NREP: variants seen among roughly 807,000 people sequenced by gnomAD.
NREP encodes the protein neuronal regeneration related protein, also known as neuronal regeneration-related protein.
Under a neutral mutation model 8.6 loss-of-function variants are expected in NREP, and 5 were observed. The ratio of observed to expected loss-of-function variants is 0.58; its 90% CI spans 0.30 to 1.22. The LOEUF is 1.22. NREP is among the 50% of genes most tolerant of loss of function. NREP has a pLI of 0.07. For synonymous variants in NREP, 27 were observed against 28.0 expected, an observed-to-expected ratio of 0.96 and a Z score of 0.11; for missense variants, 86 against 82.5, an observed-to-expected ratio of 1.04 and a Z score of -0.17.
At chr5:111,737,052 T>G (rs1485984261) in intron 2 of NREP, among the ~76,000 whole-genome samples, 1 of 152,222 alleles carries the variant, frequency 6.6e-6, no homozygotes, top group East Asian at 1.9e-4. Context: ...ACTATTTTCT[T>G]TTTGGACTGG....
intron 2 of NREP, among the ~76,000 whole-genome samples, chr5:111,844,949 A>G (rs1014025493): frequency 1.3e-5 from 2 of 151,836 alleles, no homozygotes; most frequent in Admixed American, 6.6e-5. Context: ...ACTAATAAAT[A>G]TTATATATAT....
At chr5:111,760,914 C>G (rs1318898433), upstream of NREP, among the ~76,000 whole-genome samples, 1 of 152,186 alleles carries the variant, frequency 6.6e-6, no homozygotes, top group African/African-American at 2.4e-5. Flanking sequence ...TCAAGTATTT[C>G]CTGATTATAG....
At chr5:111,942,387 G>A (rs930714478) in intron 2 of NREP, among the ~76,000 whole-genome samples, 5 of 151,970 alleles carry the variant, frequency 3.3e-5, no homozygotes, top group African/African-American at 7.2e-5. Flanking sequence ...CATTGCTTTG[G>A]TTCCCTGGTG....
chr5:111,939,826 C>T (rs7710690), intron 2 of NREP, among the ~76,000 whole-genome samples: 75,498 of 151,764 alleles, frequency 0.5, 19,499 homozygotes, highest in South Asian at 0.66. Context: ...TAAGCTTCAT[C>T]CATGCTGTTG....
At chr5:111,854,032 A>T (rs1753368277) in intron 2 of NREP, among the ~76,000 whole-genome samples, 1 of 152,146 alleles carries the variant, frequency 6.6e-6, no homozygotes, top group South Asian at 2.1e-4. Context: ...GACTGTGTTT[A>T]TATCTCACAC....
chr5:111,861,699 A>C (rs1213124857), intron 2 of NREP, among the ~76,000 whole-genome samples: 2 of 152,186 alleles, frequency 1.3e-5, no homozygotes, highest in African/African-American at 4.8e-5. Flanking sequence ...TCTGAAATAC[A>C]TTTTGCTTTA....
chr5:111,794,995 TAAA>T (rs71982267), intron 2 of NREP, among the ~76,000 whole-genome samples: 17 of 130,352 alleles, frequency 1.3e-4, no homozygotes, highest in Non-Finnish European at 1.8e-4. Flanking sequence ...AAAGCTGCTC[TAAA>T]AAAAAAAAAA....
At chr5:111,761,851 G>A (rs1299203212), upstream of NREP, among the ~76,000 whole-genome samples, 1 of 152,128 alleles carries the variant, frequency 6.6e-6, no homozygotes, top group African/African-American at 2.4e-5. Flanking sequence ...TCAGACCGAA[G>A]GGAAAGAATT....
chr5:111,759,968 A>G (rs990015554), upstream of NREP, among the ~76,000 whole-genome samples: 1 of 152,082 alleles, frequency 6.6e-6, no homozygotes, highest in Admixed American at 6.5e-5. Context: ...CTCTCTCTCA[A>G]TCATAGAATA....
chr5:111,797,356 CTAG>C (rs1453561181), intron 2 of NREP, among the ~76,000 whole-genome samples: 1 of 152,112 alleles, frequency 6.6e-6, no homozygotes, highest in Non-Finnish European at 1.5e-5. Flanking sequence ...TGGAGGAATA[CTAG>C]TCCAATTGTT....
intron 2 of NREP, among the ~76,000 whole-genome samples, chr5:111,904,131 C>G (rs1258054226): frequency 6.6e-6 from 1 of 152,050 alleles, no homozygotes; most frequent in Non-Finnish European, 1.5e-5. Flanking sequence ...TCCCTCTCTC[C>G]TCCAACTCAG....
chr5:111,875,783 C>G (rs1753892607), intron 2 of NREP, among the ~76,000 whole-genome samples: 1 of 152,102 alleles, frequency 6.6e-6, no homozygotes. Context: ...TGGGTGACAA[C>G]TGAAGTTTGT....
At chr5:111,942,846 A>C (rs1755868120) in intron 2 of NREP, among the ~76,000 whole-genome samples, 1 of 152,096 alleles carries the variant, frequency 6.6e-6, no homozygotes, top group African/African-American at 2.4e-5. Flanking sequence ...ACACTAGGCA[A>C]GTTACTGGAA....
intron 2 of NREP, among the ~76,000 whole-genome samples, chr5:111,799,955 C>T (rs958727325): frequency 1.3e-5 from 2 of 151,990 alleles, no homozygotes; most frequent in Non-Finnish European, 2.9e-5. Flanking sequence ...AGTCTCGCTC[C>T]GTCACCCAGG....
chr5:111,822,122 T>G (rs1442182041), intron 2 of NREP, among the ~76,000 whole-genome samples: 1 of 152,220 alleles, frequency 6.6e-6, no homozygotes, highest in Non-Finnish European at 1.5e-5. Context: ...CCAGCTCATT[T>G]CAGACCAACC....
At chr5:111,878,050 T>C (rs1046394677) in intron 2 of NREP, among the ~76,000 whole-genome samples, 1 of 152,188 alleles carries the variant, frequency 6.6e-6, no homozygotes, top group Non-Finnish European at 1.5e-5. Context: ...AACTGGATCA[T>C]TGAACAGGAA....
intron 2 of NREP, among the ~76,000 whole-genome samples, chr5:111,777,022 G>A (rs1480575626): frequency 6.6e-6 from 1 of 150,536 alleles, no homozygotes; most frequent in African/African-American, 2.4e-5. Context: ...GGTGGAGGAG[G>A]AGGAGGAAGG....
chr5:111,733,749 G>GT (rs1748835267), intron 3 of NREP: 1 of 152,170 alleles, frequency 6.6e-6, no homozygotes, highest in African/African-American at 2.4e-5. Flanking sequence ...GAGGCTAGGG[G>GT]TTGGGGGGCA....
intron 2 of NREP, among the ~76,000 whole-genome samples, chr5:111,779,888 GT>G (rs1407078560): frequency 2.6e-5 from 4 of 152,106 alleles, no homozygotes. Context: ...TGATTAAATT[GT>G]GATTTTTTAT....
Sources: allele counts gnomAD v4.1 joint callset (sites outside exome capture counted in the v4.1 genomes callset), GRCh38; gene constraint gnomAD v4.1.1; transcripts MANE v1.5; gene names NCBI Gene and HGNC (gene_info 2026-07-23, HGNC 2026-07-21).